Variants in MAP1LC3B observed in about 807,000 individuals in gnomAD.
MAP1LC3B encodes the protein microtubule associated protein 1 light chain 3 beta, also known as microtubule-associated protein 1 light chain 3 beta.
Under a neutral mutation model 16.7 loss-of-function variants are expected in MAP1LC3B, and 12 were observed. That is an observed-to-expected ratio of 0.72 (90% CI 0.46 to 1.16). MAP1LC3B has a LOEUF of 1.16. Ranked by LOEUF, MAP1LC3B falls within the 50% of genes most tolerant of loss-of-function variation. MAP1LC3B has a pLI of 0.00. For synonymous variants in MAP1LC3B, 63 were observed against 56.5 expected, an observed-to-expected ratio of 1.11 and a Z score of -0.51; for missense variants, 155 against 159.5, an observed-to-expected ratio of 0.97 and a Z score of 0.15.
At chr16:87,392,618 G>A (rs1907627308) in intron 1 of MAP1LC3B, 151 bp downstream of exon 1, 3 of 684,216 alleles carry the variant, frequency 4.4e-6, no homozygotes, top group Non-Finnish European at 5.7e-6. Flanking sequence ...AGGGATGCGG[G>A]GCCCGGGGCC....
chr16:87,399,009 G>C (rs1907897381), intron 2 of MAP1LC3B, 139 bp downstream of exon 2: 1 of 709,652 alleles, frequency 1.4e-6, no homozygotes, highest in Non-Finnish European at 2.5e-6. Flanking sequence ...CTAGAGAGAG[G>C]TATCCTTTTT....
At chr16:87,393,798 T>G (rs186560486) in intron 1 of MAP1LC3B, among the ~76,000 whole-genome samples, 14 of 152,314 alleles carry the variant, frequency 9.2e-5, no homozygotes, top group African/African-American at 3.4e-4. Context: ...TGGAGTGCAG[T>G]GGTGCAATCA....
At chr16:87,392,991 C>T (rs1052804347) in intron 1 of MAP1LC3B, 4 of 152,334 alleles carry the variant, frequency 2.6e-5, no homozygotes, top group African/African-American at 9.6e-5. Context: ...GCGAGTGCCT[C>T]TTACAGACCT....
At position 87,392,377 on chromosome 16, in the gene MAP1LC3B, C is replaced by T. The variant is rs1023398313; in HGVS notation, c.-51C>T. Reference sequence around the variant, plus strand: ...CCGCAGCAGCCGCCGCCCCCGGGAGCCGCCGGGACCCTCGCGTCGTCGCCG... The same window carrying T: ...CCGCAGCAGCCGCCGCCCCCGGGAGTCGCCGGGACCCTCGCGTCGTCGCCG... On this transcript the variant is annotated 5_prime_UTR_variant, in exon 1 of 4. Transcript: ENST00000268607. 3 of 1,391,288 alleles carry T rather than the reference C, an allele frequency of 2.2e-6. No homozygotes were observed. The highest frequency in any genetic ancestry group is 3.1e-5 in the South Asian group (2 of 65,068). The allele number at this position is 1,391,288 out of a possible 1,614,324, so 86.2% of individuals were successfully genotyped here.
chr16:87,402,864 CAT>C (rs1908043833), intron 3 of MAP1LC3B, 57 bp from the exon 4 acceptor site: 1 of 1,595,104 alleles, frequency 6.3e-7, no homozygotes, highest in South Asian at 1.1e-5. Flanking sequence ...TATTTTAACA[CAT>C]GCTTCATCCT....
At chr16:87,392,538 G>A in intron 1 of MAP1LC3B, 71 bp downstream of exon 1, 1 of 1,216,096 alleles carries the variant, frequency 8.2e-7, no homozygotes, top group Non-Finnish European at 1.0e-6. Context: ...GCAGGGCCTG[G>A]GACGCCGTGA....
At chr16:87,401,331 A>G (rs1907986512) in intron 2 of MAP1LC3B, among the ~76,000 whole-genome samples, 1 of 152,198 alleles carries the variant, frequency 6.6e-6, no homozygotes, top group East Asian at 1.9e-4. Flanking sequence ...ATAGCCAAGT[A>G]TCTTCCCCCA....
Position 87,392,354 on chromosome 16 carries a change from G to C in MAP1LC3B, c.-74G>C. 1.5e-6 allele frequency: 2 copies of C among 1,343,744 alleles called. No individual in the cohort carries two copies. The highest frequency in any genetic ancestry group is 1.9e-6 in the Non-Finnish European group (2 of 1,047,648). 83.2% of individuals were successfully genotyped at this position (1,343,744 alleles called of 1,614,324 possible). ...TATCGCCAGAGTCGGATTCGCCGCCGCAGCAGCCGCCGCCCCCGGGAGCCG... is the reference window on the plus strand; with the variant it reads ...TATCGCCAGAGTCGGATTCGCCGCCCCAGCAGCCGCCGCCCCCGGGAGCCG... On this transcript the variant is annotated 5_prime_UTR_variant, in exon 1 of 4. Coordinates refer to ENST00000268607, the MANE Select transcript of MAP1LC3B (RefSeq NM_022818.5).
chr16:87,397,730 G>A (rs924588199), intron 1 of MAP1LC3B, among the ~76,000 whole-genome samples: 4 of 152,060 alleles, frequency 2.6e-5, no homozygotes, highest in South Asian at 2.1e-4. Context: ...CAGGAAGTTC[G>A]TGACATTGAT....
chr16:87,402,752 C>G (rs897996522), intron 3 of MAP1LC3B, 171 bp from the exon 4 acceptor site: 8 of 778,536 alleles, frequency 1.0e-5, no homozygotes, highest in Middle Eastern at 3.7e-4. Flanking sequence ...GTGATTATAG[C>G]TCATGTCAAT....
chr16:87,394,028 G>A (rs1907710932), intron 1 of MAP1LC3B, among the ~76,000 whole-genome samples: 1 of 152,196 alleles, frequency 6.6e-6, no homozygotes, highest in African/African-American at 2.4e-5. Context: ...GGTAGGAAAT[G>A]TGAGACTAAC....
rs1907699130 is a variant in MAP1LC3B, at chr16:87,393,797, G to T, written c.40+1330G>T. Reference sequence around the variant, plus strand: ...ACTCTGTCACCTGGGCTGGAGTGCAGTGGTGCAATCACAGCCCACTGCAGC... The same window carrying T: ...ACTCTGTCACCTGGGCTGGAGTGCATTGGTGCAATCACAGCCCACTGCAGC... On this transcript the variant is annotated intron_variant, in intron 1 of 3. Transcript: ENST00000268607. Among the ~76,000 whole-genome samples the T allele has an allele frequency of 2.0e-5, 3 of 152,190 alleles. No homozygotes were observed. In the South Asian group the frequency reaches 6.2e-4, roughly 31 times the overall value.
chr16:87,396,706 T>A (rs976524786), intron 1 of MAP1LC3B: 4 of 152,170 alleles, frequency 2.6e-5, no homozygotes, highest in African/African-American at 9.7e-5. Flanking sequence ...TGTCTCATAC[T>A]TAGGAGAGGT....
chr16:87,398,924 C>G lies in MAP1LC3B; in HGVS notation c.96+54C>G. ...CATGAATGTACGCAGAGGAGAGCAC[C>G]GCATAAGTGCATCCACTTGACGGGT... On this transcript the variant is annotated intron_variant, in intron 2 of 3. Transcript: ENST00000268607. 9 of 1,466,568 alleles carry G rather than the reference C, an allele frequency of 6.1e-6. No individual in the cohort carries two copies. In the South Asian group the frequency reaches 8.0e-5, roughly 13 times the overall value. The allele number at this position is 1,466,568 out of a possible 1,614,324, so 90.8% of individuals were successfully genotyped here.
chr16:87,398,928 T>C (rs1907895170), intron 2 of MAP1LC3B, 58 bp downstream of exon 2: 1 of 1,451,932 alleles, frequency 6.9e-7, no homozygotes. Context: ...GAGCACCGCA[T>C]AAGTGCATCC....
In MAP1LC3B at chr16:87,392,337, G is replaced by A. The variant is rs1049173282; in HGVS notation, c.-91G>A. ...GATACAAGGGAAGTGGCTATCGCCA[G>A]AGTCGGATTCGCCGCCGCAGCAGCC... is the stretch of plus-strand genomic sequence containing the variant. On this transcript the variant is annotated 5_prime_UTR_variant, in exon 1 of 4. Transcript: ENST00000268607. 6 of 1,280,878 alleles carry A rather than the reference G, an allele frequency of 4.7e-6. No homozygotes were observed. The highest frequency in any genetic ancestry group is 4.1e-5 in the Admixed American group (1 of 24,366). The allele number at this position is 1,280,878 out of a possible 1,614,324, so 79.3% of individuals were successfully genotyped here. A position where few individuals can be genotyped will look rare whatever the true frequency, so the allele number is the denominator to read the frequency against.
intron 3 of MAP1LC3B, 74 bp from the exon 4 acceptor site, chr16:87,402,849 G>A (rs1486394398): frequency 3.2e-6 from 5 of 1,551,178 alleles, no homozygotes; most frequent in Non-Finnish European, 3.5e-6. Flanking sequence ...GATCAGAGTG[G>A]GTGATATTTT....
chr16:87,402,518 C>T (rs148738219), intron 3 of MAP1LC3B: 122 of 561,162 alleles, frequency 2.2e-4, no homozygotes, highest in African/African-American at 2.1e-3. Flanking sequence ...ATCATAACAT[C>T]GTTTAGATGT....
In MAP1LC3B at chr16:87,399,914, C is replaced by T. The variant is rs1481267548; in HGVS notation, c.96+1044C>T. 8 of 204,666 alleles carry T rather than the reference C, an allele frequency of 3.9e-5. No homozygotes were observed. In the East Asian group the frequency reaches 9.4e-4, roughly 24 times the overall value. 12.7% of individuals were successfully genotyped at this position (204,666 alleles called of 1,614,324 possible). A position where few individuals can be genotyped will look rare whatever the true frequency, so the allele number is the denominator to read the frequency against. On this transcript the variant is annotated intron_variant, in intron 2 of 3. Transcript: ENST00000268607. Reference sequence around the variant, plus strand: ...TCAGCCTCCTGAATAGCTGGGACTACAGGCACGTGCCACTACGCCCAGCTA... The same window carrying T: ...TCAGCCTCCTGAATAGCTGGGACTATAGGCACGTGCCACTACGCCCAGCTA...
Sources: gnomAD v4.1 joint callset for allele counts (sites outside exome capture counted in the v4.1 genomes callset) on GRCh38, gnomAD v4.1.1 for gene constraint, MANE v1.5 for transcripts, NCBI Gene and HGNC (gene_info 2026-07-23, HGNC 2026-07-21) for gene names.